The following PPP6R2 variants were observed in gnomAD, a reference collection of about 807,000 sequenced individuals.
The protein encoded by PPP6R2 is serine/threonine-protein phosphatase 6 regulatory subunit 2.
A neutral mutation model predicts 100.2 loss-of-function variants in PPP6R2; 62 were observed. The ratio of observed to expected loss-of-function variants is 0.62; its 90% CI spans 0.50 to 0.76. The LOEUF (loss-of-function observed/expected upper bound fraction) is 0.76, where lower values mean the gene tolerates loss of function less well. Ranked by LOEUF, PPP6R2 falls within the 30% of genes least tolerant of loss-of-function variation. PPP6R2 has a pLI of 0.00. For missense variants in PPP6R2, 1,142 were observed against 1,276.3 expected (o/e 0.89, Z 1.60); for synonymous variants, 525 against 514.7 (o/e 1.02, Z -0.27).
chr22:50,389,090 A>G (rs1389170209), intron 2 of PPP6R2: 1 of 152,206 alleles, frequency 6.6e-6, no homozygotes, highest in Non-Finnish European at 1.5e-5. Context: ...CTGAACTTCA[A>G]GTTCCTTTCA....
At chr22:50,381,438 G>T (rs1163187906) in intron 2 of PPP6R2, among the ~76,000 whole-genome samples, 1 of 136,208 alleles carries the variant, frequency 7.3e-6, no homozygotes, top group Non-Finnish European at 1.6e-5. Context: ...AGCATCACAC[G>T]GGCCCCACCT....
chr22:50,396,037 A>G (rs1202436508), intron 3 of PPP6R2, among the ~76,000 whole-genome samples: 1 of 151,220 alleles, frequency 6.6e-6, no homozygotes, highest in Non-Finnish European at 1.5e-5. Flanking sequence ...TCTAATAAAA[A>G]TACAAAAATT....
chr22:50,398,174 T>TC (rs981401162), intron 3 of PPP6R2, among the ~76,000 whole-genome samples: 1 of 150,836 alleles, frequency 6.6e-6, no homozygotes, highest in African/African-American at 2.4e-5. Context: ...CTCTTTTTTT[T>TC]TTTTTTTTTT....
chr22:50,401,543 G>T (rs556234016), intron 3 of PPP6R2, among the ~76,000 whole-genome samples: 30 of 144,406 alleles, frequency 2.1e-4, no homozygotes, highest in Non-Finnish European at 3.3e-4. Flanking sequence ...AGTCTGTCTC[G>T]CTCTGTCGCC....
chr22:50,355,208 C>T (rs2046211450), intron 1 of PPP6R2, among the ~76,000 whole-genome samples: 1 of 151,342 alleles, frequency 6.6e-6, no homozygotes, highest in Non-Finnish European at 1.5e-5. Flanking sequence ...CCTGTTATAT[C>T]CACATACAGC....
intron 1 of PPP6R2, among the ~76,000 whole-genome samples, chr22:50,370,373 T>C (rs113155514): frequency 0.055 from 8,420 of 152,110 alleles, 773 homozygotes; most frequent in African/African-American, 0.19. Context: ...CTGCAACCTC[T>C]GCCTCCCAGG....
chr22:50,395,246 A>T (rs1465780454), intron 3 of PPP6R2, among the ~76,000 whole-genome samples: 1 of 152,182 alleles, frequency 6.6e-6, no homozygotes, highest in East Asian at 1.9e-4. Flanking sequence ...TTTTTCCTGA[A>T]ACGCCCATTC....
intron 3 of PPP6R2, among the ~76,000 whole-genome samples, chr22:50,399,923 C>T (rs569811376): frequency 2.5e-4 from 38 of 152,344 alleles, no homozygotes; most frequent in East Asian, 1.5e-3. Flanking sequence ...CTGGTCTTTT[C>T]GTGAGCTCTT....
the PPP6R2 span, among the ~76,000 whole-genome samples, chr22:50,333,843 G>A: frequency 2.0e-5 from 3 of 152,056 alleles, no homozygotes; most frequent in Admixed American, 1.3e-4. Context: ...TGGCAGCACC[G>A]TTATTTATTG....
intron 1 of PPP6R2, among the ~76,000 whole-genome samples, chr22:50,371,601 GATA>G (rs1301496119): frequency 1.3e-5 from 2 of 152,226 alleles, no homozygotes; most frequent in East Asian, 3.9e-4. Context: ...TTAAGGGACA[GATA>G]ATAAATGCTG....
intron 6 of PPP6R2, among the ~76,000 whole-genome samples, chr22:50,417,025 C>T (rs2060639455): frequency 1.3e-5 from 2 of 151,838 alleles, no homozygotes; most frequent in Non-Finnish European, 2.9e-5. Flanking sequence ...AGCAAATTAC[C>T]CTGAAATGTA....
chr22:50,442,006 G>T (rs2065761925), intron 22 of PPP6R2, among the ~76,000 whole-genome samples: 1 of 152,184 alleles, frequency 6.6e-6, no homozygotes, highest in African/African-American at 2.4e-5. Flanking sequence ...CAGTGGGGAA[G>T]TCCTCGGGCT....
chr22:50,419,103 C>G, intron 7 of PPP6R2, 124 bp downstream of exon 7: 1 of 841,790 alleles, frequency 1.2e-6, no homozygotes, highest in Non-Finnish European at 1.9e-6. Context: ...GAATGAACCC[C>G]AGGTTCAGAG....
chr22:50,439,670 A>G, intron 19 of PPP6R2, 31 bp from the exon 20 acceptor site: 4 of 1,526,386 alleles, frequency 2.6e-6, no homozygotes, highest in Non-Finnish European at 3.5e-6. Flanking sequence ...AGGCCTGCCC[A>G]CGCCTGACCA....
the PPP6R2 span, among the ~76,000 whole-genome samples, chr22:50,334,436 T>C: frequency 6.6e-6 from 1 of 152,182 alleles, no homozygotes; most frequent in Non-Finnish European, 1.5e-5. Flanking sequence ...ATTATTATAA[T>C]ATTGGATTAA....
chr22:50,385,258 C>T (rs115845371), intron 2 of PPP6R2, among the ~76,000 whole-genome samples: 2,337 of 152,174 alleles, frequency 0.015, 57 homozygotes, highest in African/African-American at 0.053. Flanking sequence ...TGCAATGGTG[C>T]GATTTAGACT....
In PPP6R2 at chr22:50,382,405, T is replaced by C. The variant is rs545513027; in HGVS notation, c.-17+10255T>C. Among the ~76,000 whole-genome samples, 4 of 151,740 alleles carry C rather than the reference T, an allele frequency of 2.6e-5. No homozygotes were observed. The South Asian group carries it at 8.3e-4, about 32-fold the overall frequency. ...CAAGGTCAGGAGTTCGAGACCAGCCTGACTAACATGGTGAAACCCCGTCTC... is the reference window on the plus strand; with the variant it reads ...CAAGGTCAGGAGTTCGAGACCAGCCCGACTAACATGGTGAAACCCCGTCTC... On this transcript the variant is annotated intron_variant, in intron 2 of 23. Transcript: ENST00000612753.
chr22:50,379,085 TC>T (rs2148643659), intron 2 of PPP6R2, among the ~76,000 whole-genome samples: 1 of 152,274 alleles, frequency 6.6e-6, no homozygotes, highest in Admixed American at 6.5e-5. Context: ...GTTTTGGATT[TC>T]CCATCTCCCA....
intron 3 of PPP6R2, 131 bp from the exon 4 acceptor site, chr22:50,406,558 T>G (rs2058989268): frequency 1.2e-6 from 1 of 814,948 alleles, no homozygotes; most frequent in African/African-American, 1.7e-5. Flanking sequence ...CACGTTTTTG[T>G]TCTGTTCTGA....
Sources: allele counts gnomAD v4.1 joint callset (sites outside exome capture counted in the v4.1 genomes callset), GRCh38; gene constraint gnomAD v4.1.1; transcripts MANE v1.5; gene names NCBI Gene and HGNC (gene_info 2026-07-23, HGNC 2026-07-21).